The following UGT1A7 variants were observed in gnomAD, a reference collection of about 807,000 sequenced individuals.
UGT1A7 encodes the protein UDP-glucuronosyltransferase 1A7.
UGT1A7 carries 33 observed loss-of-function variants against 45.6 expected under a neutral mutation model. The observed-to-expected ratio is 0.72, with a 90% CI of 0.55 to 0.97. UGT1A7 has a LOEUF of 0.97. Among genes scored for constraint, UGT1A7 ranks in the 50% least tolerant of loss-of-function variants. The pLI is 0.00. For missense variants in UGT1A7, 684 were observed against 666.2 expected, an observed-to-expected ratio of 1.03 and a Z score of -0.29; for synonymous variants, 274 against 250.6, an observed-to-expected ratio of 1.09 and a Z score of -0.88.
intron 1 of UGT1A7, among the ~76,000 whole-genome samples, chr2:233,762,019 A>G (rs1021587184): frequency 2.6e-5 from 4 of 151,988 alleles, no homozygotes; most frequent in South Asian, 2.1e-4. Context: ...TGTGATTTGT[A>G]TTTTATTTTT....
Position 233,772,564 on chromosome 2 carries a change from TG to T in UGT1A7, c.*8del, listed in dbSNP as rs1250920366. 1 of 1,613,176 alleles carries T rather than the reference TG, an allele frequency of 6.2e-7. No individual in the cohort carries two copies. The highest frequency in any genetic ancestry group is 1.7e-5 in the Admixed American group (1 of 59,848). On this transcript the variant is annotated 3_prime_UTR_variant, in exon 5 of 5. Transcript: ENST00000373426. ...CACAAATCCAAGACCCATTGAGAAGTGGGTGGGAAATAAGGTAAAATTTTGA... is the reference window on the plus strand; with the variant it reads ...CACAAATCCAAGACCCATTGAGAAGTGGTGGGAAATAAGGTAAAATTTTGA...
intron 1 of UGT1A7, chr2:233,761,057 G>A: frequency 6.2e-7 from 1 of 1,614,206 alleles, no homozygotes. Flanking sequence ...TGGCTGTTTA[G>A]AAGTGACTTT....
intron 1 of UGT1A7, chr2:233,690,423 C>A: frequency 1.6e-6 from 2 of 1,228,812 alleles, no homozygotes; most frequent in Middle Eastern, 2.2e-4. Context: ...TACCTTCATG[C>A]ACATCTTTGG....
intron 4 of UGT1A7, chr2:233,771,576 T>C (rs1332686610): frequency 6.6e-6 from 1 of 152,308 alleles, no homozygotes; most frequent in Admixed American, 6.5e-5. Flanking sequence ...GGTGGTTGTT[T>C]ACAACTTCAA....
intron 1 of UGT1A7, among the ~76,000 whole-genome samples, chr2:233,684,728 G>T (rs4583459): frequency 0.6 from 91,008 of 151,656 alleles, 27,587 homozygotes; most frequent in South Asian, 0.65. Context: ...TTTATAAATA[G>T]AAAATAAATA....
At chr2:233,691,048 A>G in intron 1 of UGT1A7, 6 of 988,428 alleles carry the variant, frequency 6.1e-6, no homozygotes, top group Non-Finnish European at 7.2e-6. Flanking sequence ...TCCACAGCAG[A>G]GTGGAGGTCT....
chr2:233,693,772 A>G (rs2075180010), intron 1 of UGT1A7: 1 of 1,614,048 alleles, frequency 6.2e-7, no homozygotes, highest in African/African-American at 1.3e-5. Flanking sequence ...GGCTGTTAAG[A>G]TATGACTTTG....
At chr2:233,700,698 TTGAA>T (rs570833581) in intron 1 of UGT1A7, among the ~76,000 whole-genome samples, 4 of 152,222 alleles carry the variant, frequency 2.6e-5, no homozygotes, top group South Asian at 4.2e-4. Context: ...AAACTACACT[TTGAA>T]TGTTTTTTTC....
intron 1 of UGT1A7, chr2:233,755,033 G>A (rs1238728031): frequency 2.3e-6 from 3 of 1,314,014 alleles, no homozygotes; most frequent in Non-Finnish European, 3.1e-6. Context: ...AGGGCCTGCC[G>A]CCTGCGCAGC....
At chr2:233,685,409 A>G (rs28898571) in intron 1 of UGT1A7, among the ~76,000 whole-genome samples, 2,771 of 152,310 alleles carry the variant, frequency 0.018, 88 homozygotes, top group African/African-American at 0.063. Context: ...AGCAGAATTG[A>G]TGGTTGAATC....
intron 1 of UGT1A7, among the ~76,000 whole-genome samples, chr2:233,696,713 G>A (rs532050376): frequency 6.6e-6 from 1 of 152,234 alleles, no homozygotes; most frequent in East Asian, 1.9e-4. Flanking sequence ...AGATTTTAGA[G>A]GAACAGTTTT....
intron 1 of UGT1A7, chr2:233,690,718 A>G (rs2075004617): frequency 8.2e-7 from 1 of 1,217,746 alleles, no homozygotes; most frequent in Non-Finnish European, 1.0e-6. Flanking sequence ...ATTATGACGA[A>G]CAGACATGCC....
At position 233,747,735 on chromosome 2, in the gene UGT1A7, A is replaced by G. The variant is rs890289369; in HGVS notation, c.856-19299A>G. 5 of 1,613,242 alleles carry G rather than the reference A, an allele frequency of 3.1e-6. No individual in the cohort carries two copies. The African/African-American group carries it at 4.0e-5, about 13-fold the overall frequency. On this transcript the variant is annotated intron_variant, in intron 1 of 4. Coordinates refer to ENST00000373426, the MANE Select transcript of UGT1A7 (RefSeq NM_019077.3). ...AATTCCTGCTGTGTTTTTTTTGAGGAACATTCCATGTGATTTAGACTTTAA... is the reference window on the plus strand; with the variant it reads ...AATTCCTGCTGTGTTTTTTTTGAGGGACATTCCATGTGATTTAGACTTTAA...
intron 1 of UGT1A7, chr2:233,753,490 A>G (rs1695218587): frequency 6.6e-6 from 1 of 152,190 alleles, no homozygotes. Flanking sequence ...GCTGCTCTTA[A>G]TTTTTTTCAG....
chr2:233,729,958 G>A (rs2077960397), intron 1 of UGT1A7: 6 of 1,613,978 alleles, frequency 3.7e-6, no homozygotes, highest in Non-Finnish European at 5.1e-6. Context: ...CTTCATTGGG[G>A]GCATCAACTG....
chr2:233,759,854 G>T (rs1017536593), intron 1 of UGT1A7, among the ~76,000 whole-genome samples: 2 of 152,182 alleles, frequency 1.3e-5, no homozygotes, highest in African/African-American at 4.8e-5. Context: ...AGGTTTCCAT[G>T]GCGAAAGCGG....
intron 1 of UGT1A7, chr2:233,713,938 A>C: frequency 6.2e-7 from 1 of 1,610,914 alleles, no homozygotes; most frequent in Non-Finnish European, 8.5e-7. Flanking sequence ...AAGTGCTTCC[A>C]TATCTACTTA....
intron 1 of UGT1A7, among the ~76,000 whole-genome samples, chr2:233,724,980 CGCGGT>C (rs751350533): frequency 0.034 from 4,857 of 144,196 alleles, 246 homozygotes; most frequent in African/African-American, 0.053. Flanking sequence ...GCGGATCACT[CGCGGT>C]TAGGGGCTGG....
chr2:233,699,153 C>A (rs901306895), intron 1 of UGT1A7, among the ~76,000 whole-genome samples: 7 of 152,196 alleles, frequency 4.6e-5, no homozygotes, highest in Non-Finnish European at 1.0e-4. Flanking sequence ...TGCCTTGCAA[C>A]CTTTCTGTCT....
Sources: allele counts gnomAD v4.1 joint callset (sites outside exome capture counted in the v4.1 genomes callset), GRCh38; gene constraint gnomAD v4.1.1; transcripts MANE v1.5; gene names NCBI Gene and HGNC (gene_info 2026-07-23, HGNC 2026-07-21).